Variants in CD40 observed in about 807,000 individuals in gnomAD.
CD40 encodes the protein tumor necrosis factor receptor superfamily member 5.
A neutral mutation model predicts 38.5 loss-of-function variants in CD40; 19 were observed. The observed-to-expected ratio is 0.49, with a 90% CI of 0.34 to 0.72. The LOEUF is 0.72. Ranked by LOEUF, CD40 falls within the 30% of genes least tolerant of loss-of-function variation. The probability of loss-of-function intolerance (pLI) is 0.01; values close to 1 mark genes in which losing one functional copy is unlikely to be tolerated. For missense variants in CD40, 256 were observed against 344.1 expected (o/e 0.74, Z 2.03); for synonymous variants, 130 against 128.7 (o/e 1.01, Z -0.07).
chr20:46,120,400 A>G (rs1291407226), intron 1 of CD40, among the ~76,000 whole-genome samples: 1 of 152,274 alleles, frequency 6.6e-6, no homozygotes, highest in East Asian at 1.9e-4. Context: ...ACTGGAGTCT[A>G]AAGCTGTCTG....
chr20:46,120,833 G>A (rs767747180), intron 1 of CD40, among the ~76,000 whole-genome samples: 73 of 152,224 alleles, frequency 4.8e-4, no homozygotes, highest in Non-Finnish European at 9.4e-4. Context: ...GGGAGGCCAA[G>A]GCAGTCAGAT....
chr20:46,123,949 C>A (rs899081107), intron 5 of CD40, among the ~76,000 whole-genome samples: 2 of 152,190 alleles, frequency 1.3e-5, no homozygotes. Context: ...ACTTGCAATC[C>A]TCTGAACACA....
At chr20:46,121,476 A>T (rs1458019179) in intron 1 of CD40, among the ~76,000 whole-genome samples, 4 of 152,108 alleles carry the variant, frequency 2.6e-5, no homozygotes, top group African/African-American at 9.7e-5. Context: ...CAGCTTCAGG[A>T]CTCCAGGGGA....
At chr20:46,127,988 A>C in intron 6 of CD40, 150 bp from the exon 7 acceptor site, 16 of 1,487,442 alleles carry the variant, frequency 1.1e-5, no homozygotes, top group Non-Finnish European at 1.5e-5. Context: ...GACATCTGCC[A>C]GCCACATTTC....
At position 46,118,409 on chromosome 20, in the gene CD40, C is replaced by G; in HGVS notation, c.51+15C>G. On this transcript the variant is annotated intron_variant, in intron 1 of 8. Coordinates refer to ENST00000372285, the MANE Select transcript of CD40 (RefSeq NM_001250.6). ...TGCTGACCGCTGTGAGTTGTTTTTG[C>G]CCCGACCAGACGGGAGTTGGGAGTG... 1 of 1,613,476 alleles carries G rather than the reference C, an allele frequency of 6.2e-7. No homozygotes were observed.
At chr20:46,125,362 G>T (rs912357228) in intron 5 of CD40, among the ~76,000 whole-genome samples, 1 of 151,406 alleles carries the variant, frequency 6.6e-6, no homozygotes, top group African/African-American at 2.4e-5. Context: ...TGGCTAATAT[G>T]GTAAAACCCT....
rs369901991 is a variant in CD40 at position 46,122,602 on chromosome 20, C to T, written c.257-8C>T. 4.3e-6 allele frequency: 7 copies of T among 1,614,052 alleles called. No individual in the cohort carries two copies. The highest frequency in any genetic ancestry group is 2.7e-5 in the African/African-American group (2 of 74,928). On this transcript the variant is annotated splice_polypyrimidine_tract_variant and splice_region_variant and intron_variant, in intron 3 of 8. Transcript: ENST00000372285. This position sits in a 1 kb window ranked among gnomAD's most constrained non-coding sequence, Gnocchi z 5.0. ...GGGTTCCCATCCTTCCTGCCCTTCT[C>T]TTCTCAGACCTAGGGCTTCGGGTCC...
chr20:46,127,866 C>G lies in CD40; in HGVS notation c.560-272C>G. 7.4e-6 allele frequency: 4 copies of G among 540,158 alleles called. No individual in the cohort carries two copies. The South Asian group carries it at 8.2e-5, about 11-fold the overall frequency. The allele number at this position is 540,158 out of a possible 1,614,324, so 33.5% of individuals were successfully genotyped here. On this transcript the variant is annotated intron_variant, in intron 6 of 8. Transcript: ENST00000372285. The stretch of plus-strand genomic sequence containing the variant: ...GGGAGGCTGCCAACTGGAACCCAGT[C>G]TTCCCAGTTTGTAAGAGAAATCAGA...
chr20:46,122,044 C>A lies in CD40; in HGVS notation c.130+146C>A. On this transcript the variant is annotated intron_variant, in intron 2 of 8. Coordinates refer to ENST00000372285, the MANE Select transcript of CD40 (RefSeq NM_001250.6). This position sits in a 1 kb window ranked among gnomAD's most constrained non-coding sequence, Gnocchi z 5.0. ...CTGTCAGAATGTTCTGGTTCCCTCTCTACCAGGTAAAACTCTGTCTACCCT... is the reference window on the plus strand; with the variant it reads ...CTGTCAGAATGTTCTGGTTCCCTCTATACCAGGTAAAACTCTGTCTACCCT... 9.8e-7 allele frequency: 1 copy of A among 1,021,778 alleles called. No homozygotes were observed. The highest frequency in any genetic ancestry group is 1.5e-6 in the Non-Finnish European group (1 of 662,206). The allele number at this position is 1,021,778 out of a possible 1,614,324, so 63.3% of individuals were successfully genotyped here.
intron 5 of CD40, among the ~76,000 whole-genome samples, chr20:46,124,224 C>T (rs1339796084): frequency 2.0e-5 from 3 of 152,174 alleles, no homozygotes; most frequent in African/African-American, 4.8e-5. Flanking sequence ...CACTTGAACC[C>T]GGAAGGTGGA....
chr20:46,124,070 G>T (rs2085372202), intron 5 of CD40, among the ~76,000 whole-genome samples: 2 of 152,186 alleles, frequency 1.3e-5, no homozygotes, highest in African/African-American at 4.8e-5. Flanking sequence ...TGCCAAGGCG[G>T]GTGGATCACT....
At chr20:46,125,617 C>T (rs1026251176) in intron 5 of CD40, among the ~76,000 whole-genome samples, 1 of 151,238 alleles carries the variant, frequency 6.6e-6, no homozygotes, top group South Asian at 2.1e-4. Flanking sequence ...CTTTCTCCCA[C>T]CTTAGATGAT....
At position 46,122,875 on chromosome 20, in the gene CD40, A is replaced by G; in HGVS notation, c.403+119A>G. ...GCAGAGGAAGCAGAGGCTCCAACCT[A>G]TGTCGGTATCCCCACTGGAGTGAGC... On this transcript the variant is annotated intron_variant, in intron 4 of 8. Coordinates refer to ENST00000372285, the MANE Select transcript of CD40 (RefSeq NM_001250.6). The surrounding 1 kb of genome is among the most constrained non-coding windows in gnomAD (Gnocchi z 5.0). 3.1e-6 allele frequency: 4 copies of G among 1,301,286 alleles called. No individual in the cohort carries two copies. The highest frequency in any genetic ancestry group is 4.3e-6 in the Non-Finnish European group (4 of 930,072). 80.6% of individuals were successfully genotyped at this position (1,301,286 alleles called of 1,614,324 possible).
Position 46,122,019 on chromosome 20 carries a change from C to A in CD40, c.130+121C>A. 1 of 1,047,878 alleles carries A rather than the reference C, an allele frequency of 9.5e-7. No individual in the cohort carries two copies. Among genetic ancestry groups the A allele is most frequent in the Non-Finnish European group, 1.5e-6 (1 of 680,740 alleles). 64.9% of individuals were successfully genotyped at this position (1,047,878 alleles called of 1,614,324 possible). A position where few individuals can be genotyped will look rare whatever the true frequency, so the allele number is the denominator to read the frequency against. ...CGACCCATTTCCCAGCCCTGCTTCA[C>A]TGTCAGAATGTTCTGGTTCCCTCTC... On this transcript the variant is annotated intron_variant, in intron 2 of 8. Transcript: ENST00000372285. This position sits in a 1 kb window ranked among gnomAD's most constrained non-coding sequence, Gnocchi z 5.0.
rs3746821 is a variant in CD40, at chr20:46,126,472, G to T, written c.498-168G>T. 0.13 allele frequency among the ~76,000 whole-genome samples: 19,214 copies of T among 152,190 alleles called. 1,504 individuals are homozygous for T. Among genetic ancestry groups the T allele is most frequent in the East Asian group, 0.42 (2,175 of 5,176 alleles). On this transcript the variant is annotated intron_variant, in intron 5 of 8. Coordinates refer to ENST00000372285, the MANE Select transcript of CD40 (RefSeq NM_001250.6). ...AAGTTCTGTAAGAAGAGTCTGTGTC[G>T]TTCCTATAATAACCAGCATAGGACG...
intron 8 of CD40, chr20:46,128,634 T>TTGGGGC: frequency 1.5e-6 from 1 of 682,294 alleles, no homozygotes; most frequent in Non-Finnish European, 2.6e-6. Flanking sequence ...TCTTTGGGCC[T>TTGGGGC]TGGGGCTGGG....
chr20:46,123,045 C>T, intron 4 of CD40, 81 bp from the exon 5 acceptor site: 1 of 1,134,130 alleles, frequency 8.8e-7, no homozygotes, highest in African/African-American at 1.5e-5. Flanking sequence ...TCTTCCCGTC[C>T]TGCCTGGCCA....
Position 46,122,506 on chromosome 20 carries a change from A to T in CD40, c.257-104A>T, listed in dbSNP as rs1289949840. 4 of 1,577,858 alleles carry T rather than the reference A, an allele frequency of 2.5e-6. No individual in the cohort carries two copies. Among genetic ancestry groups the T allele is most frequent in the South Asian group, 1.1e-5 (1 of 90,068 alleles). On this transcript the variant is annotated intron_variant, in intron 3 of 8. Transcript: ENST00000372285. The surrounding 1 kb of genome is among the most constrained non-coding windows in gnomAD (Gnocchi z 5.0). ...ATTAAATGATTTGATTGCCATCTCT[A>T]CTTGGAAGAGGGTCTGAGGAAGAAA...
In CD40 at chr20:46,122,869, C is replaced by A; in HGVS notation, c.403+113C>A. 1 of 1,361,220 alleles carries A rather than the reference C, an allele frequency of 7.3e-7. No homozygotes were observed. The highest frequency in any genetic ancestry group is 1.0e-6 in the Non-Finnish European group (1 of 981,684). The allele number at this position is 1,361,220 out of a possible 1,614,324, so 84.3% of individuals were successfully genotyped here. A position where few individuals can be genotyped will look rare whatever the true frequency, so the allele number is the denominator to read the frequency against. On this transcript the variant is annotated intron_variant, in intron 4 of 8. Transcript: ENST00000372285. The surrounding 1 kb of genome is among the most constrained non-coding windows in gnomAD (Gnocchi z 5.0). ...CCAGAGGCAGAGGAAGCAGAGGCTCCAACCTATGTCGGTATCCCCACTGGA... is the reference window on the plus strand; with the variant it reads ...CCAGAGGCAGAGGAAGCAGAGGCTCAAACCTATGTCGGTATCCCCACTGGA...
Sources: allele counts gnomAD v4.1 joint callset (sites outside exome capture counted in the v4.1 genomes callset), GRCh38; gene constraint gnomAD v4.1.1; non-coding constraint Gnocchi (gnomAD v3.1); transcripts MANE v1.5; gene names NCBI Gene and HGNC (gene_info 2026-07-23, HGNC 2026-07-21).